UNC79: variants seen among roughly 807,000 people sequenced by gnomAD.
UNC79 encodes the protein protein unc-79 homolog.
UNC79 carries 37 observed loss-of-function variants against 283.1 expected under a neutral mutation model. The ratio of observed to expected loss-of-function variants is 0.13; its 90% CI spans 0.10 to 0.17. The LOEUF is 0.17. Ranked by LOEUF, UNC79 falls within the 10% of genes least tolerant of loss-of-function variation. The pLI, the probability that UNC79 is intolerant of heterozygous loss-of-function variation, is 1.00. For missense variants in UNC79, 2,272 were observed against 3,211.1 expected (o/e 0.71, Z 7.07); for synonymous variants, 1,107 against 1,200.2 (o/e 0.92, Z 1.61).
At chr14:93,649,255 T>C (rs2069977788) in intron 35 of UNC79, among the ~76,000 whole-genome samples, 1 of 152,240 alleles carries the variant, frequency 6.6e-6, no homozygotes, top group Non-Finnish European at 1.5e-5. Flanking sequence ...TAGGGATGTT[T>C]GCTTTTCTTT....
At chr14:93,699,493 T>C (rs1167471895) in intron 47 of UNC79, among the ~76,000 whole-genome samples, 1 of 152,208 alleles carries the variant, frequency 6.6e-6, no homozygotes, top group East Asian at 1.9e-4. Context: ...CAGATCAAAA[T>C]GTTAATTTCC....
chr14:93,436,992 TC>T (rs1223650907), intron 1 of UNC79, among the ~76,000 whole-genome samples: 1 of 152,140 alleles, frequency 6.6e-6, no homozygotes, highest in African/African-American at 2.4e-5. Context: ...TCTTTCATTT[TC>T]ATTGGTCTCA....
chr14:93,630,956 C>T (rs2067983040), intron 31 of UNC79, 48 bp downstream of exon 33: 3 of 1,511,248 alleles, frequency 2.0e-6, no homozygotes, highest in Admixed American at 1.7e-5. Context: ...TATTTTGGAA[C>T]ACTGTCTGCT....
At chr14:93,637,614 C>T (rs1399148121) in intron 32 of UNC79, among the ~76,000 whole-genome samples, 1 of 152,182 alleles carries the variant, frequency 6.6e-6, no homozygotes, top group Admixed American at 6.5e-5. Flanking sequence ...TGCACCACCA[C>T]ACCCAGATAA....
exon 46 of UNC79, chr14:93,691,768 G>A: frequency 6.2e-7 from 1 of 1,614,132 alleles, no homozygotes; most frequent in Non-Finnish European, 8.5e-7. Context: ...CTGCACATGT[G>A]CTCCCTCTTC....
intron 14 of UNC79, among the ~76,000 whole-genome samples, chr14:93,549,471 T>C (rs2061764217): frequency 6.6e-6 from 1 of 152,248 alleles, no homozygotes; most frequent in Non-Finnish European, 1.5e-5. Context: ...TTGTCTCATT[T>C]ACAGATTTAC....
intron 35 of UNC79, among the ~76,000 whole-genome samples, chr14:93,647,159 A>G (rs531332279): frequency 2.5e-4 from 38 of 152,350 alleles, no homozygotes; most frequent in Middle Eastern, 3.4e-3. Context: ...AAGAAAAAGT[A>G]CAGAGAGACT....
chr14:93,576,671 C>T (rs775061742), intron 17 of UNC79, among the ~76,000 whole-genome samples: 3 of 152,120 alleles, frequency 2.0e-5, no homozygotes, highest in African/African-American at 4.8e-5. Context: ...GCTGAAGGAA[C>T]AAGGGAAAGA....
intron 1 of UNC79, among the ~76,000 whole-genome samples, chr14:93,337,485 G>A (rs568294510): frequency 2.3e-4 from 35 of 152,284 alleles, no homozygotes; most frequent in African/African-American, 8.2e-4. Flanking sequence ...GAAGAGTGGC[G>A]AACCTTCTGG....
At chr14:93,567,230 G>A (rs1326477991) in intron 14 of UNC79, among the ~76,000 whole-genome samples, 1 of 151,844 alleles carries the variant, frequency 6.6e-6, no homozygotes, top group African/African-American at 2.4e-5. Flanking sequence ...CTTTCTTTCT[G>A]TTGTATTTTT....
At position 93,477,555 on chromosome 14, in the gene UNC79, T is replaced by C. The variant is rs772666510; in HGVS notation, c.449-3T>C. The C allele has an allele frequency of 1.3e-6, 2 of 1,574,578 alleles. No individual in the cohort carries two copies. The highest frequency in any genetic ancestry group is 2.7e-5 in the African/African-American group (2 of 73,938). Reference sequence around the variant, plus strand: ...TGACTGATTACTCAATTTTGTTTTGTAGATCTTGGACAGTCGATATTTTAT... The same window carrying C: ...TGACTGATTACTCAATTTTGTTTTGCAGATCTTGGACAGTCGATATTTTAT... On this transcript the variant is annotated splice_region_variant and splice_polypyrimidine_tract_variant and intron_variant, in intron 3 of 48. Coordinates refer to ENST00000555664, the Ensembl canonical transcript of UNC79.
intron 1 of UNC79, among the ~76,000 whole-genome samples, chr14:93,435,417 T>C (rs955918424): frequency 1.3e-5 from 2 of 152,210 alleles, no homozygotes; most frequent in African/African-American, 4.8e-5. Context: ...TTTTGAAAAT[T>C]AGCTTCGCAC....
At chr14:93,426,440 A>G (rs1248796268), upstream of UNC79, among the ~76,000 whole-genome samples, 1 of 150,418 alleles carries the variant, frequency 6.6e-6, no homozygotes, top group African/African-American at 2.4e-5. Flanking sequence ...ATATTTTAAA[A>G]TAATATATTA....
At chr14:93,373,803 GA>G (rs1234605194) in intron 1 of UNC79, among the ~76,000 whole-genome samples, 2 of 152,046 alleles carry the variant, frequency 1.3e-5, no homozygotes, top group African/African-American at 2.4e-5. Context: ...TATAAGAAAA[GA>G]AAAAAACTAC....
chr14:93,570,275 C>A (rs1441548812), intron 14 of UNC79, among the ~76,000 whole-genome samples: 1 of 152,162 alleles, frequency 6.6e-6, no homozygotes, highest in Non-Finnish European at 1.5e-5. Flanking sequence ...ACGGATTGGC[C>A]TGCCCATCCA....
At position 93,688,562 on chromosome 14, in the gene UNC79, T is replaced by A; in HGVS notation, c.6910-103T>A. 1 of 1,326,232 alleles carries A rather than the reference T, an allele frequency of 7.5e-7. No homozygotes were observed. The highest frequency in any genetic ancestry group is 2.4e-5 in the East Asian group (1 of 42,240). The allele number at this position is 1,326,232 out of a possible 1,614,324, so 82.2% of individuals were successfully genotyped here. ...GTTTAAGCAGGTTGTTTGCTCAGAGTGGCGATAAGCGGGGTGGAAATGACA... is the reference window on the plus strand; with the variant it reads ...GTTTAAGCAGGTTGTTTGCTCAGAGAGGCGATAAGCGGGGTGGAAATGACA... On this transcript the variant is annotated intron_variant, in intron 43 of 48. Transcript: ENST00000555664. The surrounding 1 kb of genome is among the most constrained non-coding windows in gnomAD (Gnocchi z 4.0).
At chr14:93,605,093 G>C in intron 26 of UNC79, 132 bp downstream of exon 27, 3 of 877,834 alleles carry the variant, frequency 3.4e-6, no homozygotes, top group Non-Finnish European at 3.2e-6. Context: ...TCTTACCCCA[G>C]ATGTTCAAGT....
At chr14:93,463,280 C>A (rs1352480196) in intron 1 of UNC79, among the ~76,000 whole-genome samples, 1 of 151,916 alleles carries the variant, frequency 6.6e-6, no homozygotes, top group Non-Finnish European at 1.5e-5. Flanking sequence ...AATCTGGAGG[C>A]TCTAGATGAT....
intron 14 of UNC79, among the ~76,000 whole-genome samples, chr14:93,571,392 A>G (rs1374989322): frequency 6.6e-6 from 1 of 152,194 alleles, no homozygotes; most frequent in Non-Finnish European, 1.5e-5. Context: ...ATTCTTAGGA[A>G]AAAAATTGTG....
Sources: gnomAD v4.1 joint callset for allele counts (sites outside exome capture counted in the v4.1 genomes callset) on GRCh38, gnomAD v4.1.1 for gene constraint, Gnocchi (gnomAD v3.1) non-coding constraint, MANE v1.5 for transcripts, NCBI Gene and HGNC (gene_info 2026-07-23, HGNC 2026-07-21) for gene names.